MED12L: variants seen among roughly 807,000 people sequenced by gnomAD.
MED12L encodes the protein mediator complex subunit 12L.
In MED12L, 60 loss-of-function variants were observed where a neutral mutation model predicts 281.3. The observed-to-expected ratio is 0.21, with a 90% CI of 0.17 to 0.26. The LOEUF (loss-of-function observed/expected upper bound fraction) is 0.26, where lower values mean the gene tolerates loss of function less well. MED12L is among the 10% of genes least tolerant of loss of function. The pLI is 1.00. For synonymous variants in MED12L, 974 were observed against 987.2 expected, an observed-to-expected ratio of 0.99 and a Z score of 0.25; for missense variants, 2,146 against 2,680.9, an observed-to-expected ratio of 0.80 and a Z score of 4.41.
chr3:151,102,508 C>A (rs1317876149), intron 2 of MED12L, among the ~76,000 whole-genome samples: 1 of 152,126 alleles, frequency 6.6e-6, no homozygotes, highest in Non-Finnish European at 1.5e-5. Context: ...CATTCTCTTT[C>A]CCCTCTTTTC....
intron 16 of MED12L, chr3:151,337,483 A>G (rs1285704434): frequency 2.9e-5 from 7 of 239,290 alleles, no homozygotes; most frequent in Non-Finnish European, 5.8e-5. Context: ...TGTGAACGAT[A>G]ATGTATTTTA....
chr3:151,155,123 T>A (rs892769074), intron 5 of MED12L, among the ~76,000 whole-genome samples: 1 of 152,380 alleles, frequency 6.6e-6, no homozygotes, highest in Admixed American at 6.5e-5. Context: ...TAGTTTCTAC[T>A]CTTTCTTTTG....
intron 16 of MED12L, among the ~76,000 whole-genome samples, chr3:151,221,160 G>C (rs1267521474): frequency 1.3e-5 from 2 of 152,210 alleles, no homozygotes; most frequent in Non-Finnish European, 2.9e-5. Context: ...ACTTGAGGGA[G>C]ATGATTTAGG....
In MED12L at chr3:151,294,589, C is replaced by T. The variant is rs897492692; in HGVS notation, c.2251-55470C>T. On this transcript the variant is annotated intron_variant, in intron 16 of 44. Transcript: ENST00000687756. ...CTATGTAACATCCGATCAGAATCAC[C>T]AGCACGGCCACAAACAAGCAGCTGT... 3.7e-6 allele frequency: 6 copies of T among 1,614,132 alleles called. No individual in the cohort carries two copies. In the South Asian group the frequency reaches 6.6e-5, roughly 18 times the overall value.
intron 21 of MED12L, among the ~76,000 whole-genome samples, chr3:151,364,363 C>A (rs891876979): frequency 1.3e-5 from 2 of 152,104 alleles, no homozygotes; most frequent in Non-Finnish European, 2.9e-5. Flanking sequence ...CTGAGAAATA[C>A]AACATGATAA....
At chr3:151,277,896 TACTG>T (rs1215345063) in intron 16 of MED12L, among the ~76,000 whole-genome samples, 2 of 152,232 alleles carry the variant, frequency 1.3e-5, no homozygotes, top group Admixed American at 6.5e-5. Flanking sequence ...AACAAAGACA[TACTG>T]ACCTAAGTAT....
intron 16 of MED12L, among the ~76,000 whole-genome samples, chr3:151,293,201 CT>C (rs1261948364): frequency 6.6e-6 from 1 of 152,138 alleles, no homozygotes; most frequent in Non-Finnish European, 1.5e-5. Context: ...CATTGTTGAG[CT>C]AAGTTATTCT....
chr3:151,113,365 C>T (rs2148719897), intron 2 of MED12L, among the ~76,000 whole-genome samples: 1 of 152,192 alleles, frequency 6.6e-6, no homozygotes. Context: ...AGGGATGAGA[C>T]CAGAAAGGTA....
chr3:151,315,907 A>G (rs571099649), intron 16 of MED12L, among the ~76,000 whole-genome samples: 4 of 152,350 alleles, frequency 2.6e-5, no homozygotes, highest in South Asian at 2.1e-4. Context: ...AGGCTCATCT[A>G]TCTTTTAAAA....
intron 2 of MED12L, among the ~76,000 whole-genome samples, chr3:151,115,418 G>T (rs538797332): frequency 8.2e-6 from 1 of 121,622 alleles, no homozygotes; most frequent in African/African-American, 3.2e-5. Flanking sequence ...GTGTGATCTC[G>T]GCTCACTTCA....
chr3:151,360,831 T>TC (rs1298575517), intron 21 of MED12L, among the ~76,000 whole-genome samples: 2 of 152,130 alleles, frequency 1.3e-5, no homozygotes, highest in Admixed American at 6.6e-5. Context: ...AGGTTTTTTT[T>TC]CCCCCAATAT....
chr3:151,104,049 T>C (rs921851525), intron 2 of MED12L, among the ~76,000 whole-genome samples: 1 of 152,246 alleles, frequency 6.6e-6, no homozygotes, highest in Non-Finnish European at 1.5e-5. Flanking sequence ...GATGTTAAGA[T>C]AGTATTTGCT....
chr3:151,359,533 C>A (rs1418477955), intron 20 of MED12L, among the ~76,000 whole-genome samples: 1 of 152,074 alleles, frequency 6.6e-6, no homozygotes, highest in Non-Finnish European at 1.5e-5. Flanking sequence ...TTGCCCTTTC[C>A]CCTGAATAGT....
chr3:151,160,335 A>T (rs902455630), intron 8 of MED12L, among the ~76,000 whole-genome samples: 1 of 152,200 alleles, frequency 6.6e-6, no homozygotes, highest in South Asian at 2.1e-4. Context: ...TATTAGGGTC[A>T]TTAAGCAGTT....
chr3:151,190,360 C>T (rs1390896851), intron 13 of MED12L, among the ~76,000 whole-genome samples: 5 of 151,956 alleles, frequency 3.3e-5, no homozygotes, highest in East Asian at 3.9e-4. Flanking sequence ...TTGGTAGAGA[C>T]GGGGTTTCAC....
In MED12L at chr3:151,185,401, G is replaced by A. The variant is rs1381047487; in HGVS notation, c.1566G>A (p.Lys522=). 3.7e-6 allele frequency: 6 copies of A among 1,613,900 alleles called. No homozygotes were observed. The highest frequency in any genetic ancestry group is 5.1e-6 in the Non-Finnish European group (6 of 1,179,988). The stretch of plus-strand genomic sequence containing the variant: ...CCGTGAGCTGCAAACGGTCTGGCAA[G>A]CACAGGGCCATGGCTGTGGCAAAAC... ...EWAVSCKRSG[K]HRAMAVAKLL... Residue 522 remains lysine, a synonymous_variant, in exon 12 of 45, where the codon AAG becomes AAA. Transcript: ENST00000687756.
chr3:151,380,880 A>G (rs1045553270), intron 32 of MED12L, among the ~76,000 whole-genome samples: 2 of 152,204 alleles, frequency 1.3e-5, no homozygotes, highest in African/African-American at 4.8e-5. Flanking sequence ...CAGCTCCTCA[A>G]GCTTGGATGC....
chr3:151,097,437 A>C (rs1182005017), intron 2 of MED12L, among the ~76,000 whole-genome samples: 1 of 152,244 alleles, frequency 6.6e-6, no homozygotes, highest in Non-Finnish European at 1.5e-5. Context: ...CAGCTGTGGC[A>C]CTATGAGGAC....
At chr3:151,360,103 CTT>C (rs1754426457) in intron 20 of MED12L, among the ~76,000 whole-genome samples, 1 of 152,124 alleles carries the variant, frequency 6.6e-6, no homozygotes, top group African/African-American at 2.4e-5. Context: ...ACTTGGGAAT[CTT>C]TGCACGCTGA....
Sources: gnomAD v4.1 joint callset for allele counts (sites outside exome capture counted in the v4.1 genomes callset) on GRCh38, gnomAD v4.1.1 for gene constraint, MANE v1.5 for transcripts, NCBI Gene and HGNC (gene_info 2026-07-23, HGNC 2026-07-21) for gene names.